TMTC1: variants seen among roughly 807,000 people sequenced by gnomAD.
TMTC1 encodes the protein protein O-mannosyl-transferase TMTC1.
A neutral mutation model predicts 104.8 loss-of-function variants in TMTC1; 73 were observed. That is an observed-to-expected ratio of 0.70 (90% CI 0.58 to 0.85). The LOEUF (loss-of-function observed/expected upper bound fraction) is 0.85. Ranked by LOEUF, TMTC1 falls within the 40% of genes least tolerant of loss-of-function variation. The pLI is 0.00. For missense variants in TMTC1, 1,035 were observed against 1,096.1 expected, an observed-to-expected ratio of 0.94 and a Z score of 0.79; for synonymous variants, 434 against 428.7, an observed-to-expected ratio of 1.01 and a Z score of -0.15.
rs765996684 is a variant in TMTC1 at position 29,662,174 on chromosome 12, T to C, written c.939-28838A>G. On this transcript the variant is annotated intron_variant, in intron 5 of 17. Coordinates refer to ENST00000539277, the MANE Select transcript of TMTC1 (RefSeq NM_001193451.2). Reference sequence around the variant, plus strand: ...CTCATCCTTATTTCCTCTATCCCTTTTCATTGTTTTTTTCTCCTTTTTAAA... The same window carrying C: ...CTCATCCTTATTTCCTCTATCCCTTCTCATTGTTTTTTTCTCCTTTTTAAA... Among the ~76,000 whole-genome samples, 54 of 152,178 alleles carry C rather than the reference T, an allele frequency of 3.5e-4. 1 individual carries two copies. Among genetic ancestry groups the C allele is most frequent in the Non-Finnish European group, 6.6e-4 (45 of 68,038 alleles).
intron 5 of TMTC1, among the ~76,000 whole-genome samples, chr12:29,643,531 A>G (rs1938985971): frequency 1.5e-5 from 1 of 67,952 alleles, no homozygotes; most frequent in South Asian, 3.5e-4. Context: ...AATATAAAAT[A>G]TATAATATAT....
At chr12:29,528,862 C>T (rs1013653712) in intron 11 of TMTC1, among the ~76,000 whole-genome samples, 3 of 151,708 alleles carry the variant, frequency 2.0e-5, no homozygotes, top group African/African-American at 7.3e-5. Context: ...TTTACTTAAT[C>T]ATAAACTTAA....
chr12:29,578,730 T>C (rs1045937663), intron 8 of TMTC1, among the ~76,000 whole-genome samples: 6 of 152,196 alleles, frequency 3.9e-5, no homozygotes, highest in African/African-American at 1.2e-4. Flanking sequence ...GTTGGCATCA[T>C]TGGACAATAG....
chr12:29,586,577 T>C (rs577441078), intron 7 of TMTC1, among the ~76,000 whole-genome samples: 4 of 152,268 alleles, frequency 2.6e-5, no homozygotes, highest in Admixed American at 2.0e-4. Context: ...GGGTTTGTCA[T>C]AGATAGCTCT....
At chr12:29,517,111 C>T (rs1944009568) in intron 14 of TMTC1, among the ~76,000 whole-genome samples, 1 of 152,156 alleles carries the variant, frequency 6.6e-6, no homozygotes, top group Admixed American at 6.5e-5. Context: ...GGTACATATA[C>T]ATCTACATAT....
intron 5 of TMTC1, among the ~76,000 whole-genome samples, chr12:29,694,241 T>C (rs997589827): frequency 1.3e-5 from 2 of 152,190 alleles, no homozygotes; most frequent in African/African-American, 2.4e-5. Flanking sequence ...ATCTCCTCAA[T>C]GATTTGCATC....
intron 5 of TMTC1, among the ~76,000 whole-genome samples, chr12:29,662,351 CT>C (rs1940069342): frequency 6.6e-6 from 1 of 152,038 alleles, no homozygotes; most frequent in African/African-American, 2.4e-5. Context: ...GTCTATCCAC[CT>C]TGAGGATTGC....
chr12:29,679,369 G>T (rs973016479), intron 5 of TMTC1, among the ~76,000 whole-genome samples: 4 of 152,000 alleles, frequency 2.6e-5, no homozygotes, highest in African/African-American at 9.7e-5. Flanking sequence ...TAATTAACAT[G>T]AAATACTTCT....
intron 5 of TMTC1, among the ~76,000 whole-genome samples, chr12:29,634,980 T>C (rs1439832167): frequency 6.6e-6 from 1 of 152,128 alleles, no homozygotes; most frequent in Non-Finnish European, 1.5e-5. Flanking sequence ...TCCACAGCCA[T>C]CAGGCTGCAG....
intron 11 of TMTC1, among the ~76,000 whole-genome samples, chr12:29,521,566 C>CTTTT (rs3036151): frequency 0.012 from 1,039 of 89,616 alleles, 37 homozygotes; most frequent in African/African-American, 0.033. Flanking sequence ...TTCTTTCTTT[C>CTTTT]TTTTTTTTTT....
chr12:29,770,616 T>C (rs1943573510), intron 1 of TMTC1, among the ~76,000 whole-genome samples: 1 of 152,164 alleles, frequency 6.6e-6, no homozygotes, highest in Non-Finnish European at 1.5e-5. Context: ...AATAAATTGC[T>C]GAATGAGGAG....
chr12:29,547,231 C>T (rs934110462), intron 10 of TMTC1, among the ~76,000 whole-genome samples: 1 of 152,178 alleles, frequency 6.6e-6, no homozygotes, highest in African/African-American at 2.4e-5. Context: ...AAAGCTTGCT[C>T]CCACCCAGCA....
intron 1 of TMTC1, among the ~76,000 whole-genome samples, chr12:29,778,849 A>G (rs1282930885): frequency 6.6e-6 from 1 of 152,210 alleles, no homozygotes; most frequent in Non-Finnish European, 1.5e-5. Flanking sequence ...TAAATAGCCT[A>G]TGTAAGTGTG....
At chr12:29,757,634 C>T (rs1331983338) in intron 3 of TMTC1, among the ~76,000 whole-genome samples, 1 of 152,124 alleles carries the variant, frequency 6.6e-6, no homozygotes, top group Non-Finnish European at 1.5e-5. Context: ...ACTTGCCCCC[C>T]TTTTCCAGGT....
chr12:29,550,098 GA>G (rs1945054574), intron 10 of TMTC1, among the ~76,000 whole-genome samples: 1 of 151,718 alleles, frequency 6.6e-6, no homozygotes, highest in Non-Finnish European at 1.5e-5. Flanking sequence ...TAATTGGGGA[GA>G]AAGCTGATAA....
intron 7 of TMTC1, among the ~76,000 whole-genome samples, chr12:29,600,008 A>ATATATTT (rs59108744): frequency 2.5e-5 from 3 of 118,684 alleles, no homozygotes; most frequent in African/African-American, 7.7e-5. Flanking sequence ...ATATATATAT[A>ATATATTT]TTTTTTTTTT....
At chr12:29,739,664 G>T (rs1207573422) in intron 5 of TMTC1, among the ~76,000 whole-genome samples, 1 of 152,076 alleles carries the variant, frequency 6.6e-6, no homozygotes, top group Non-Finnish European at 1.5e-5. Context: ...GTATGAAACT[G>T]GCACTGAAGT....
chr12:29,672,136 C>G (rs1471181013), intron 5 of TMTC1, among the ~76,000 whole-genome samples: 1 of 152,208 alleles, frequency 6.6e-6, no homozygotes, highest in Non-Finnish European at 1.5e-5. Context: ...TTGATGGTGA[C>G]TCCATCTCCC....
intron 5 of TMTC1, among the ~76,000 whole-genome samples, chr12:29,665,221 AGG>A (rs1940229146): frequency 1.3e-5 from 2 of 152,342 alleles, no homozygotes; most frequent in Non-Finnish European, 2.9e-5. Flanking sequence ...CACCTGGAGG[AGG>A]CCCTTCAAAA....
Sources: allele counts gnomAD v4.1 joint callset (sites outside exome capture counted in the v4.1 genomes callset), GRCh38; gene constraint gnomAD v4.1.1; transcripts MANE v1.5; gene names NCBI Gene and HGNC (gene_info 2026-07-23, HGNC 2026-07-21).